The following KIFC3 variants were observed in gnomAD, a reference collection of about 807,000 sequenced individuals.
The protein encoded by KIFC3 is kinesin family member C3.
KIFC3 carries 60 observed loss-of-function variants against 101.8 expected under a neutral mutation model. The observed-to-expected ratio is 0.59, with a 90% CI of 0.48 to 0.73. The LOEUF is 0.73. Ranked by LOEUF, KIFC3 falls within the 30% of genes least tolerant of loss-of-function variation. The probability of loss-of-function intolerance (pLI) is 0.00; values close to 1 mark genes in which losing one functional copy is unlikely to be tolerated. For missense variants in KIFC3, 966 were observed against 1,137.1 expected, an observed-to-expected ratio of 0.85 and a Z score of 2.16; for synonymous variants, 476 against 482.7, an observed-to-expected ratio of 0.99 and a Z score of 0.18.
chr16:57,857,564 A>G (rs1198954009), intron 1 of KIFC3, among the ~76,000 whole-genome samples: 1 of 150,856 alleles, frequency 6.6e-6, no homozygotes, highest in Non-Finnish European at 1.5e-5. Flanking sequence ...ACCCCCTAAC[A>G]TGCCCCAGTG....
intron 1 of KIFC3, among the ~76,000 whole-genome samples, chr16:57,860,369 C>T (rs1270530647): frequency 6.6e-6 from 1 of 152,146 alleles, no homozygotes; most frequent in Non-Finnish European, 1.5e-5. Flanking sequence ...AGGAGAATCA[C>T]TTGAACTTGG....
At chr16:57,845,646 ACT>A (rs2055903169) in intron 1 of KIFC3, among the ~76,000 whole-genome samples, 1 of 150,736 alleles carries the variant, frequency 6.6e-6, no homozygotes, top group Admixed American at 6.6e-5. Flanking sequence ...CCTCAAGGAG[ACT>A]CTCCCTGATC....
chr16:57,826,841 C>G (rs1406163082), intron 1 of KIFC3, among the ~76,000 whole-genome samples: 1 of 152,154 alleles, frequency 6.6e-6, no homozygotes, highest in Middle Eastern at 3.2e-3. Flanking sequence ...GAGTACATAC[C>G]TCTCACCGTG....
chr16:57,825,904 C>T (rs1463310547), intron 1 of KIFC3, among the ~76,000 whole-genome samples: 2 of 152,208 alleles, frequency 1.3e-5, no homozygotes, highest in African/African-American at 2.4e-5. Flanking sequence ...TGGTCTCGAA[C>T]TCCTGGACTC....
intron 1 of KIFC3, among the ~76,000 whole-genome samples, chr16:57,822,959 C>T (rs199879514): frequency 2.5e-5 from 1 of 40,662 alleles, no homozygotes; most frequent in Non-Finnish European, 4.2e-5. Context: ...ATTCTAAGGT[C>T]CCCCCCAACC....
chr16:57,776,786 C>G (rs189924908), intron 3 of KIFC3: 1 of 152,154 alleles, frequency 6.6e-6, no homozygotes, highest in Non-Finnish European at 1.5e-5. Context: ...GGGGCTGGAG[C>G]GTGCTAAAGG....
intron 1 of KIFC3, among the ~76,000 whole-genome samples, chr16:57,840,383 A>G (rs1473787301): frequency 6.6e-6 from 1 of 152,022 alleles, no homozygotes; most frequent in African/African-American, 2.4e-5. Flanking sequence ...GGCTCATCCT[A>G]TAATTCCAGC....
intron 3 of KIFC3, among the ~76,000 whole-genome samples, chr16:57,790,236 T>C (rs935265684): frequency 4.0e-5 from 6 of 151,672 alleles, no homozygotes; most frequent in African/African-American, 1.4e-4. Flanking sequence ...CACACCACCA[T>C]GACTGGCTGA....
intron 3 of KIFC3, among the ~76,000 whole-genome samples, chr16:57,793,298 A>G (rs2054030411): frequency 6.8e-6 from 1 of 147,020 alleles, no homozygotes. Flanking sequence ...AAAAAAAAAA[A>G]TCATATAAAT....
chr16:57,802,768 C>G, upstream of KIFC3: 3 of 735,026 alleles, frequency 4.1e-6, no homozygotes, highest in Non-Finnish European at 6.8e-6. This position sits in a 1 kb window ranked among gnomAD's most constrained non-coding sequence, Gnocchi z 5.0. Flanking sequence ...TCTCACAAAA[C>G]AGGCCTGCAC....
chr16:57,825,399 T>TA (rs1268980358), intron 1 of KIFC3, among the ~76,000 whole-genome samples: 1 of 152,204 alleles, frequency 6.6e-6, no homozygotes, highest in Non-Finnish European at 1.5e-5. Flanking sequence ...AAAGCATAGA[T>TA]ACGTGTGATT....
intron 1 of KIFC3, among the ~76,000 whole-genome samples, chr16:57,826,740 C>A (rs1390992045): frequency 6.6e-6 from 1 of 152,228 alleles, no homozygotes; most frequent in Non-Finnish European, 1.5e-5. Context: ...TTGGTCATCA[C>A]AGAGGAAGCT....
intron 1 of KIFC3, among the ~76,000 whole-genome samples, chr16:57,855,987 A>G (rs1027558096): frequency 2.0e-5 from 3 of 151,426 alleles, no homozygotes; most frequent in African/African-American, 7.3e-5. Flanking sequence ...ACTAACAATA[A>G]CAACAAAAAA....
intron 1 of KIFC3, chr16:57,815,778 C>T: frequency 1.6e-6 from 1 of 608,194 alleles, no homozygotes; most frequent in Middle Eastern, 5.2e-4. Flanking sequence ...TCCTTGGGAT[C>T]ACCAACTTCT....
At chr16:57,796,560 T>C (rs1183574477) in intron 2 of KIFC3, among the ~76,000 whole-genome samples, 1 of 152,258 alleles carries the variant, frequency 6.6e-6, no homozygotes, top group Non-Finnish European at 1.5e-5. Context: ...CTGGGGCAGC[T>C]GAGCTGGCTG....
chr16:57,787,287 A>G (rs2053434099), intron 3 of KIFC3, among the ~76,000 whole-genome samples: 1 of 152,192 alleles, frequency 6.6e-6, no homozygotes, highest in Non-Finnish European at 1.5e-5. Context: ...AAATGGGGAC[A>G]AGGAGCCTTG....
chr16:57,765,195 C>A (rs2050346160), intron 11 of KIFC3, among the ~76,000 whole-genome samples: 1 of 151,918 alleles, frequency 6.6e-6, no homozygotes, highest in African/African-American at 2.4e-5. Context: ...GTAGAAGGGG[C>A]CTTGGGGACG....
chr16:57,817,115 T>C (rs1173688494), intron 1 of KIFC3, among the ~76,000 whole-genome samples: 2 of 152,030 alleles, frequency 1.3e-5, no homozygotes, highest in Non-Finnish European at 2.9e-5. Context: ...TCCCAGCACT[T>C]TGGGAGGCTG....
chr16:57,788,778 G>C (rs2053588362), intron 3 of KIFC3: 3 of 1,270,764 alleles, frequency 2.4e-6, no homozygotes, highest in Admixed American at 4.9e-5. Flanking sequence ...CCTCGAGCCA[G>C]AGGATGGTGT....
Sources: allele counts gnomAD v4.1 joint callset (sites outside exome capture counted in the v4.1 genomes callset), GRCh38; gene constraint gnomAD v4.1.1; non-coding constraint Gnocchi (gnomAD v3.1); transcripts MANE v1.5; gene names NCBI Gene and HGNC (gene_info 2026-07-23, HGNC 2026-07-21).